The following PDCD1 variants were observed in gnomAD, a reference collection of about 807,000 sequenced individuals.
PDCD1 encodes programmed cell death protein 1.
In PDCD1, 10 loss-of-function variants were observed where a neutral mutation model predicts 23.6. The observed-to-expected ratio is 0.42, with a 90% CI of 0.26 to 0.72. The LOEUF (loss-of-function observed/expected upper bound fraction) is 0.72, where lower values mean the gene tolerates loss of function less well. Ranked by LOEUF, PDCD1 falls within the 30% of genes least tolerant of loss-of-function variation. PDCD1 has a pLI of 0.24. For missense variants in PDCD1, 313 were observed against 397.8 expected (o/e 0.79, Z 1.81); for synonymous variants, 168 against 169.3 (o/e 0.99, Z 0.06).
chr2:241,856,212 G>A lies in PDCD1; in HGVS notation c.76+2551C>T, dbSNP rs1016825024. 5.3e-5 allele frequency among the ~76,000 whole-genome samples: 8 copies of A among 151,918 alleles called. No homozygotes were observed. In the East Asian group the frequency reaches 7.7e-4, roughly 15 times the overall value. On this transcript the variant is annotated intron_variant, in intron 1 of 4. Transcript: ENST00000334409. Reference sequence around the variant, plus strand: ...TCCTGCATGTCCAGCCCCCCACGGCGGGAGGACAGGCTCTGTTTTTAAGCC... The same window carrying A: ...TCCTGCATGTCCAGCCCCCCACGGCAGGAGGACAGGCTCTGTTTTTAAGCC...
At chr2:241,857,311 G>A (rs529095731) in intron 1 of PDCD1, among the ~76,000 whole-genome samples, 22 of 152,348 alleles carry the variant, frequency 1.4e-4, no homozygotes, top group African/African-American at 4.3e-4. Context: ...GGGAAACCGA[G>A]GCATGCCACC....
chr2:241,851,226 C>G lies in PDCD1; in HGVS notation c.699G>C (p.Lys233Asn), dbSNP rs2124856429. Reference protein sequence around the residue: ...YGELDFQWREKTPEPPVPCVP... With the variant: ...YGELDFQWRENTPEPPVPCVP... ...CACAGGGCACGGGGGGCTCCGGGGTCTTCTCTCGCCACTGGAAATCCAGCT... is the reference window on the plus strand; with the variant it reads ...CACAGGGCACGGGGGGCTCCGGGGTGTTCTCTCGCCACTGGAAATCCAGCT... The change falls in exon 5 of 5, where the codon AAG (lysine) becomes AAC (asparagine). Residue 233 changes from lysine (K) to asparagine (N), a missense_variant. Physicochemically the swap from Lys to Asn is moderately conservative, Grantham distance 94. Around this residue, in one of 3 missense-constraint regions of PDCD1, gnomAD observed 158 missense variants for 177.5 expected, o/e 0.89. Transcript: ENST00000334409. 2 of 1,613,852 alleles carry G rather than the reference C, an allele frequency of 1.2e-6. No homozygotes were observed. Among genetic ancestry groups the G allele is most frequent in the Non-Finnish European group, 8.5e-7 (1 of 1,179,946 alleles).
At position 241,850,535 on chromosome 2, in the gene PDCD1, G is replaced by C; in HGVS notation, c.*523C>G. The C allele has an allele frequency of 2.9e-6, 1 of 341,080 alleles. No individual in the cohort carries two copies. The highest frequency in any genetic ancestry group is 2.0e-5 in the African/African-American group (1 of 48,844). The allele number at this position is 341,080 out of a possible 1,614,324, so 21.1% of individuals were successfully genotyped here. A position where few individuals can be genotyped will look rare whatever the true frequency, so the allele number is the denominator to read the frequency against. ...GCCTGCAGGGAGCAGATAACTCCTG[G>C]GGAGTCCCCAGCCCCATGTACCTCC... On this transcript the variant is annotated 3_prime_UTR_variant, in exon 5 of 5. Transcript: ENST00000334409.
intron 4 of PDCD1, among the ~76,000 whole-genome samples, 180 bp from the exon 5 acceptor site, chr2:241,851,477 G>C (rs1700901168): frequency 2.6e-5 from 4 of 152,176 alleles, no homozygotes; most frequent in Admixed American, 2.6e-4. Context: ...CTCCTCTCTG[G>C]CTCAATGTCC....
intron 1 of PDCD1, 83 bp from the exon 2 acceptor site, chr2:241,853,063 A>G (rs1008395767): frequency 6.8e-7 from 1 of 1,470,376 alleles, no homozygotes; most frequent in African/African-American, 1.4e-5. Context: ...CTCGGGCAGC[A>G]AGGGCTCTGG....
chr2:241,858,474 T>C (rs918038357), intron 1 of PDCD1, among the ~76,000 whole-genome samples: 1 of 152,088 alleles, frequency 6.6e-6, no homozygotes, highest in Admixed American at 6.5e-5. Flanking sequence ...AGAGGGGACT[T>C]GGGCCAGGGG....
Position 241,852,615 on chromosome 2 carries a change from C to T in PDCD1, c.436+6G>A, listed in dbSNP as rs1221147922. 3 of 1,608,010 alleles carry T rather than the reference C, an allele frequency of 1.9e-6. No individual in the cohort carries two copies. In the African/African-American group the frequency reaches 4.0e-5, roughly 21 times the overall value. The stretch of plus-strand genomic sequence containing the variant: ...CACCCCTGCCCCGGGGCCTCCGAGG[C>T]CGCACCTGTCACCCTGAGCTCTGCC... On this transcript the variant is annotated splice_donor_region_variant and intron_variant, in intron 2 of 4. Transcript: ENST00000334409.
intron 1 of PDCD1, among the ~76,000 whole-genome samples, 194 bp from the exon 2 acceptor site, chr2:241,853,174 G>T (rs898567333): frequency 2.0e-5 from 3 of 152,262 alleles, no homozygotes; most frequent in African/African-American, 7.2e-5. Flanking sequence ...TTCCTTCTAC[G>T]TGAGGCTGCA....
At chr2:241,852,429 A>G (rs1700923039) in intron 2 of PDCD1, 76 bp from the exon 3 acceptor site, 1 of 1,159,204 alleles carries the variant, frequency 8.6e-7, no homozygotes. Flanking sequence ...GGCAGACTAG[A>G]GGGGCTGGGG....
chr2:241,852,904 G>A lies in PDCD1; in HGVS notation c.153C>T (p.Thr51=). 1 of 1,598,328 alleles carries A rather than the reference G, an allele frequency of 6.3e-7. No individual in the cohort carries two copies. Among genetic ancestry groups the A allele is most frequent in the Non-Finnish European group, 8.5e-7 (1 of 1,178,868 alleles). ...ATGTGTTGGAGAAGCTGCAGGTGAA[G>A]GTGGCGTTGTCCCCTTCGGTCACCA... The part of the protein sequence containing the change: ...LLVVTEGDNA[T]FTCSFSNTSE... Residue 51 remains threonine (T), a synonymous_variant, in exon 2 of 5, where the codon ACC becomes ACT. Coordinates refer to ENST00000334409, the MANE Select transcript of PDCD1 (RefSeq NM_005018.3).
chr2:241,858,894 C>T lies in PDCD1; in HGVS notation c.-56G>A, dbSNP rs943869215. 6 of 1,467,106 alleles carry T rather than the reference C, an allele frequency of 4.1e-6. No individual in the cohort carries two copies. The highest frequency in any genetic ancestry group is 2.5e-5 in the East Asian group (1 of 40,456). 90.9% of individuals were successfully genotyped at this position (1,467,106 alleles called of 1,614,324 possible). ...TCTCCACTGCTCAGGCGGAGGTGAG[C>T]GGAAGGGAAACTGTCCCAGGTCAGG... On this transcript the variant is annotated 5_prime_UTR_variant, in exon 1 of 5. Transcript: ENST00000334409.
At chr2:241,853,814 A>G (rs1251829893) in intron 1 of PDCD1, among the ~76,000 whole-genome samples, 1 of 152,236 alleles carries the variant, frequency 6.6e-6, no homozygotes, top group Non-Finnish European at 1.5e-5. Flanking sequence ...CGGCTCACCC[A>G]CAGGTCCCAT....
At position 241,851,071 on chromosome 2, in the gene PDCD1, G is replaced by GAGC; in HGVS notation, c.851_853dup (p.Cys284dup). ...CAAGGAAGCCGGTCAGAGGGGCCAA[G>GAGC]AGCAGTGTCCATCCTCAGGCCTCAG... On this transcript the variant is annotated inframe_insertion, in exon 5 of 5. Transcript: ENST00000334409. 6.2e-7 allele frequency: 1 copy of GAGC among 1,611,956 alleles called. No individual in the cohort carries two copies. Among genetic ancestry groups the GAGC allele is most frequent in the Non-Finnish European group, 8.5e-7 (1 of 1,179,236 alleles).
At chr2:241,853,911 GC>G in intron 1 of PDCD1, among the ~76,000 whole-genome samples, 1 of 152,338 alleles carries the variant, frequency 6.6e-6, no homozygotes, top group South Asian at 2.1e-4. Flanking sequence ...CCTGGGCACG[GC>G]CCCCCAGCGA....
At chr2:241,855,970 G>A (rs1352021864) in intron 1 of PDCD1, among the ~76,000 whole-genome samples, 1 of 152,174 alleles carries the variant, frequency 6.6e-6, no homozygotes, top group Non-Finnish European at 1.5e-5. Flanking sequence ...ATAGGGTGAC[G>A]GCAGCTGGGA....
At position 241,852,193 on chromosome 2, in the gene PDCD1, G is replaced by A. The variant is rs570122580; in HGVS notation, c.592+5C>T. The A allele has an allele frequency of 2.6e-5, 41 of 1,607,262 alleles. No individual in the cohort carries two copies. The South Asian group carries it at 2.6e-4, about 10-fold the overall frequency. ...GGGCAGGCCGAGGGGCTGGGATGAC[G>A]TTACCTCGTGCGGCCCGGGAGCAGA... On this transcript the variant is annotated splice_donor_5th_base_variant and intron_variant, in intron 3 of 4. Coordinates refer to ENST00000334409, the MANE Select transcript of PDCD1 (RefSeq NM_005018.3).
Position 241,851,012 on chromosome 2 carries a change from G to C in PDCD1, c.*46C>G, listed in dbSNP as rs1700886980. ...CTCCTGAGGAAATGCGCTGACCCGG[G>C]CTCATGGTGGAGGGTCTGCAGAACA... On this transcript the variant is annotated 3_prime_UTR_variant, in exon 5 of 5. Transcript: ENST00000334409. 6.3e-7 allele frequency: 1 copy of C among 1,579,160 alleles called. No individual in the cohort carries two copies. Among genetic ancestry groups the C allele is most frequent in the African/African-American group, 1.3e-5 (1 of 74,414 alleles).
rs1021079101 is a variant in PDCD1, at chr2:241,850,050, G to A, written c.*1008C>T. 14 of 228,600 alleles carry A rather than the reference G, an allele frequency of 6.1e-5. No individual in the cohort carries two copies. In the South Asian group the frequency reaches 1.5e-3, roughly 24 times the overall value. 14.2% of individuals were successfully genotyped at this position (228,600 alleles called of 1,614,324 possible). Reference sequence around the variant, plus strand: ...ATGTGAGGAGTGGATAGGCCACGGCGGGGGTACTAGGCCCCGGGGGAACGC... The same window carrying A: ...ATGTGAGGAGTGGATAGGCCACGGCAGGGGTACTAGGCCCCGGGGGAACGC... On this transcript the variant is annotated 3_prime_UTR_variant, in exon 5 of 5. Coordinates refer to ENST00000334409, the MANE Select transcript of PDCD1 (RefSeq NM_005018.3).
intron 1 of PDCD1, among the ~76,000 whole-genome samples, chr2:241,854,502 G>A (rs1234747348): frequency 6.6e-6 from 1 of 152,178 alleles, no homozygotes; most frequent in Non-Finnish European, 1.5e-5. Flanking sequence ...GACTCTCAGG[G>A]CCAGCAGGCA....
Sources: allele counts gnomAD v4.1 joint callset (sites outside exome capture counted in the v4.1 genomes callset), GRCh38; gene constraint gnomAD v4.1.1; regional missense constraint gnomAD v4.1.1; transcripts MANE v1.5; gene names NCBI Gene and HGNC (gene_info 2026-07-23, HGNC 2026-07-21).